The following PTPN13 variants were observed in gnomAD, a reference collection of about 807,000 sequenced individuals.
PTPN13 encodes the protein tyrosine-protein phosphatase non-receptor type 13.
A neutral mutation model predicts 284.0 loss-of-function variants in PTPN13; 191 were observed. That is an observed-to-expected ratio of 0.67 (90% confidence interval 0.60 to 0.76). The LOEUF is 0.76. Among genes scored for constraint, PTPN13 ranks in the 30% least tolerant of loss-of-function variants. The pLI is 0.00. For missense variants in PTPN13, 2,797 were observed against 2,939.9 expected, an observed-to-expected ratio of 0.95 and a Z score of 1.12; for synonymous variants, 986 against 1,022.3, an observed-to-expected ratio of 0.96 and a Z score of 0.68.
At chr4:86,772,527 C>G (rs963229640) in intron 31 of PTPN13, among the ~76,000 whole-genome samples, 3 of 152,104 alleles carry the variant, frequency 2.0e-5, no homozygotes, top group African/African-American at 7.2e-5. Context: ...GCACTCCAGC[C>G]TGGGCAACAG....
intron 20 of PTPN13, 68 bp downstream of exon 20, chr4:86,753,133 C>T: frequency 8.0e-7 from 1 of 1,247,514 alleles, no homozygotes; most frequent in South Asian, 1.4e-5. Flanking sequence ...TAGTCTTGGA[C>T]CTAACAATGA....
At chr4:86,731,583 T>C (rs1734962066) in intron 10 of PTPN13, among the ~76,000 whole-genome samples, 1 of 152,196 alleles carries the variant, frequency 6.6e-6, no homozygotes, top group South Asian at 2.1e-4. Flanking sequence ...GGTGGATATA[T>C]ACATATAGGC....
intron 2 of PTPN13, among the ~76,000 whole-genome samples, chr4:86,653,250 T>C (rs978899067): frequency 1.3e-5 from 2 of 152,190 alleles, no homozygotes; most frequent in Non-Finnish European, 2.9e-5. Context: ...TAGTGCCTTA[T>C]TTAGTCCATT....
chr4:86,725,873 T>C (rs987165537), intron 10 of PTPN13, among the ~76,000 whole-genome samples: 8 of 149,772 alleles, frequency 5.3e-5, no homozygotes, highest in African/African-American at 2.0e-4. Context: ...TTTTGGTGTG[T>C]TAGTCATGAA....
intron 6 of PTPN13, among the ~76,000 whole-genome samples, chr4:86,698,230 T>G (rs1669911617): frequency 6.6e-6 from 1 of 152,178 alleles, no homozygotes; most frequent in Non-Finnish European, 1.5e-5. Context: ...GTAAAAGATT[T>G]AAGGATGGTG....
Position 86,772,894 on chromosome 4 carries a change from C to T in PTPN13, c.5285C>T (p.Thr1762Ile), listed in dbSNP as rs775053976. 12 of 1,611,674 alleles carry T rather than the reference C, an allele frequency of 7.4e-6. No homozygotes were observed. Among genetic ancestry groups the T allele is most frequent in the Non-Finnish European group, 8.5e-6 (10 of 1,178,658 alleles). The change falls in exon 32 of 48, where the codon ACT becomes ATT. Residue 1762 changes from threonine (T) to isoleucine (I), a missense_variant. By Grantham distance (89) the Thr-to-Ile change is moderately conservative. Coordinates refer to ENST00000411767, the MANE Select transcript of PTPN13 (RefSeq NM_080683.3). ...KYHIHHISEP[T>I]RQENWTPLKN... ...CATATACATCACATTTCTGAACCAA[C>T]TAGACAAGAAAACTGGACACCTTTG...
chr4:86,809,781 C>T lies in PTPN13; in HGVS notation c.7096C>T (p.Arg2366Cys), dbSNP rs201075894. 3.4e-5 allele frequency: 55 copies of T among 1,613,636 alleles called. No individual in the cohort carries two copies. The African/African-American group carries it at 3.9e-4, about 11-fold the overall frequency. ...TLEDIQTREV[R>C]HISHLNFTAW... ...TATACAATTTCAGACCAGAGAGGTG[C>T]GCCATATTTCTCATCTGAATTTCAC... Residue 2366 changes from arginine to cysteine, a missense_variant, in exon 46 of 48, where the codon CGC becomes TGC. By Grantham distance (180) the Arg-to-Cys change is radical. Transcript: ENST00000411767.
rs747968057 is a variant in PTPN13 at position 86,734,804 on chromosome 4, T to C, written c.2080T>C (p.Cys694Arg). The change falls in exon 14 of 48, where the codon TGT becomes CGT. Residue 694 changes from cysteine to arginine, a missense_variant. Coordinates refer to ENST00000411767, the MANE Select transcript of PTPN13 (RefSeq NM_080683.3). ...RKDILEERMH[C>R]DDETSLLLAS... ...AGATATTTTGGAGGAAAGGATGCACTGTGATGATGAGACTTCCTTATTGCT... is the reference window on the plus strand; with the variant it reads ...AGATATTTTGGAGGAAAGGATGCACCGTGATGATGAGACTTCCTTATTGCT... The C allele has an allele frequency of 6.2e-7, 1 of 1,613,508 alleles. No individual in the cohort carries two copies. The highest frequency in any genetic ancestry group is 8.5e-7 in the Non-Finnish European group (1 of 1,179,526).
At chr4:86,722,457 A>G (rs1476136517) in intron 10 of PTPN13, 23 bp downstream of exon 10, 3 of 1,581,282 alleles carry the variant, frequency 1.9e-6, no homozygotes, top group Non-Finnish European at 8.7e-7. Context: ...TCAGGTTACT[A>G]CACATCTAAA....
At position 86,811,050 on chromosome 4, in the gene PTPN13, A is replaced by C. The variant is rs771326690; in HGVS notation, c.7304A>C (p.Asp2435Ala). The C allele has an allele frequency of 5.0e-6, 8 of 1,613,226 alleles. No homozygotes were observed. In the Admixed American group the frequency reaches 1.0e-4, roughly 20 times the overall value. ...LGLISQDLDF[D>A]ISDLVRCMRL... ...ATATGTGGTTTCCTCTGACAGTTTGACATCTCTGATTTGGTGCGCTGCATG... is the reference window on the plus strand; with the variant it reads ...ATATGTGGTTTCCTCTGACAGTTTGCCATCTCTGATTTGGTGCGCTGCATG... The change falls in exon 47 of 48, where the codon GAC (aspartate) becomes GCC (alanine). Residue 2435 changes from aspartate to alanine, a missense_variant. Coordinates refer to ENST00000411767, the MANE Select transcript of PTPN13 (RefSeq NM_080683.3).
In PTPN13 at chr4:86,732,389, G is replaced by A. The variant is rs1185276186; in HGVS notation, c.1609-11G>A. 7 of 1,567,598 alleles carry A rather than the reference G, an allele frequency of 4.5e-6. No homozygotes were observed. The highest frequency in any genetic ancestry group is 2.4e-5 in the South Asian group (2 of 83,952). Reference sequence around the variant, plus strand: ...AGTAAAAAATATTGATTCTGCTTATGTGATTTGCAGAATTTCTTTGGCCCT... The same window carrying A: ...AGTAAAAAATATTGATTCTGCTTATATGATTTGCAGAATTTCTTTGGCCCT... On this transcript the variant is annotated splice_polypyrimidine_tract_variant and intron_variant, in intron 10 of 47. Coordinates refer to ENST00000411767, the MANE Select transcript of PTPN13 (RefSeq NM_080683.3).
At chr4:86,785,009 T>C (rs1229054720) in intron 38 of PTPN13, among the ~76,000 whole-genome samples, 1 of 152,148 alleles carries the variant, frequency 6.6e-6, no homozygotes, top group Admixed American at 6.5e-5. Context: ...GTTTATTCTT[T>C]GTAATTTGCA....
intron 23 of PTPN13, among the ~76,000 whole-genome samples, chr4:86,761,742 T>C (rs967258784): frequency 2.6e-5 from 4 of 152,228 alleles, no homozygotes; most frequent in Non-Finnish European, 5.9e-5. Flanking sequence ...GTGGGAGTTT[T>C]GAAAACCTCT....
chr4:86,647,992 TA>T (rs1296766168), intron 2 of PTPN13, among the ~76,000 whole-genome samples: 5 of 151,920 alleles, frequency 3.3e-5, no homozygotes, highest in Admixed American at 6.6e-5. Context: ...ACAGGCAGAA[TA>T]AAAAAAATTA....
At chr4:86,620,037 G>T (rs1437774835) in intron 1 of PTPN13, among the ~76,000 whole-genome samples, 1 of 151,992 alleles carries the variant, frequency 6.6e-6, no homozygotes, top group Non-Finnish European at 1.5e-5. Flanking sequence ...ACATAATATT[G>T]ACCTAAGATT....
At chr4:86,680,347 C>CTCTGTCTATCTA (rs910627035) in intron 3 of PTPN13, among the ~76,000 whole-genome samples, 1 of 142,550 alleles carries the variant, frequency 7.0e-6, no homozygotes, top group African/African-American at 2.6e-5. Context: ...TTCTATCTAT[C>CTCTGTCTATCTA]TCTATCTATC....
chr4:86,812,298 A>C (rs1281741747), intron 47 of PTPN13, among the ~76,000 whole-genome samples: 3 of 124,704 alleles, frequency 2.4e-5, no homozygotes, highest in African/African-American at 9.4e-5. Context: ...CGACAGAGCG[A>C]GACTCCGTCT....
rs980500583 is a variant in PTPN13 at position 86,594,405 on chromosome 4, C to G, written c.-390C>G. ...CGTGCTGGCGAGCCGTGCTCCGTAG[C>G]TCCCCGGTCCGCCTCGGCAGCGGTC... On this transcript the variant is annotated 5_prime_UTR_variant, in exon 1 of 48. Coordinates refer to ENST00000411767, the MANE Select transcript of PTPN13 (RefSeq NM_080683.3). The G allele has an allele frequency of 6.6e-6, 1 of 152,370 alleles. No homozygotes were observed. The highest frequency in any genetic ancestry group is 1.5e-5 in the Non-Finnish European group (1 of 68,070). 9.4% of individuals were successfully genotyped at this position (152,370 alleles called of 1,614,324 possible). A position where few individuals can be genotyped will look rare whatever the true frequency, so the allele number is the denominator to read the frequency against.
chr4:86,751,967 CTA>C (rs1737442869), intron 19 of PTPN13, among the ~76,000 whole-genome samples: 1 of 151,490 alleles, frequency 6.6e-6, no homozygotes, highest in Non-Finnish European at 1.5e-5. Context: ...GCATATATAT[CTA>C]TATATATGCA....
Sources: gnomAD v4.1 joint callset for allele counts (sites outside exome capture counted in the v4.1 genomes callset) on GRCh38, gnomAD v4.1.1 for gene constraint, MANE v1.5 for transcripts, NCBI Gene and HGNC (gene_info 2026-07-23, HGNC 2026-07-21) for gene names.